Variants in OR51E2 observed in about 807,000 individuals in gnomAD.
OR51E2 encodes the protein olfactory receptor family 51 subfamily E member 2.
In OR51E2, 14 loss-of-function variants were observed where a neutral mutation model predicts 13.7. The observed-to-expected ratio is 1.02, with a 90% CI of 0.68 to 1.60. The LOEUF (loss-of-function observed/expected upper bound fraction) is 1.60. OR51E2 is among the 40% of genes most tolerant of loss of function. The pLI is 0.00. For synonymous variants in OR51E2, 180 were observed against 157.6 expected, an observed-to-expected ratio of 1.14 and a Z score of -1.07; for missense variants, 483 against 413.8, an observed-to-expected ratio of 1.17 and a Z score of -1.45.
At chr11:4,688,308 G>A (rs1483484898) in intron 1 of OR51E2, among the ~76,000 whole-genome samples, 1 of 152,118 alleles carries the variant, frequency 6.6e-6, no homozygotes, top group Non-Finnish European at 1.5e-5. Context: ...CTTGAGCAGA[G>A]ATCTGTCTAA....
At chr11:4,693,504 G>A (rs995037890) in intron 1 of OR51E2, among the ~76,000 whole-genome samples, 7 of 152,128 alleles carry the variant, frequency 4.6e-5, no homozygotes, top group Non-Finnish European at 7.4e-5. Flanking sequence ...GGCGGATCAC[G>A]AGGTCAGGAG....
At position 4,681,641 on chromosome 11, in the gene OR51E2, G is replaced by A; in HGVS notation, c.*108C>T. 7.8e-7 allele frequency: 1 copy of A among 1,281,514 alleles called. No individual in the cohort carries two copies. Among genetic ancestry groups the A allele is most frequent in the Non-Finnish European group, 1.1e-6 (1 of 906,290 alleles). The allele number at this position is 1,281,514 out of a possible 1,614,324, so 79.4% of individuals were successfully genotyped here. On this transcript the variant is annotated 3_prime_UTR_variant, in exon 2 of 2. Transcript: ENST00000396950. The stretch of plus-strand genomic sequence containing the variant: ...TACCATACTTTAGTTTACTATTCCA[G>A]CCAGAGAAAAGTACTGATGTGCTTA...
chr11:4,681,689 T>A lies in OR51E2; in HGVS notation c.*60A>T. On this transcript the variant is annotated 3_prime_UTR_variant, in exon 2 of 2. Coordinates refer to ENST00000396950, the MANE Select transcript of OR51E2 (RefSeq NM_030774.4). Reference sequence around the variant, plus strand: ...TTATGGGCAACTGGAAATAAGCTAGTGTTAGAAATAATTATGTTTATCAAG... The same window carrying A: ...TTATGGGCAACTGGAAATAAGCTAGAGTTAGAAATAATTATGTTTATCAAG... The A allele has an allele frequency of 6.3e-7, 1 of 1,581,982 alleles. No individual in the cohort carries two copies. The highest frequency in any genetic ancestry group is 1.1e-5 in the South Asian group (1 of 87,720).
chr11:4,690,873 A>G (rs1262425694), intron 1 of OR51E2: 1 of 456,524 alleles, frequency 2.2e-6, no homozygotes, highest in African/African-American at 2.0e-5. Flanking sequence ...GTTAGCAATC[A>G]TAGTATGTAC....
chr11:4,687,983 G>A (rs1274705483), intron 1 of OR51E2, among the ~76,000 whole-genome samples: 3 of 152,198 alleles, frequency 2.0e-5, no homozygotes, highest in Non-Finnish European at 1.5e-5. Flanking sequence ...GCATTGTACA[G>A]AGGGGAAGCA....
intron 1 of OR51E2, chr11:4,690,845 G>C (rs1481413389): frequency 2.2e-6 from 1 of 455,706 alleles, no homozygotes; most frequent in African/African-American, 2.0e-5. Flanking sequence ...TCATCAAAGG[G>C]GAGATCAGCA....
chr11:4,697,238 C>T (rs997993162), intron 1 of OR51E2, among the ~76,000 whole-genome samples: 1 of 152,148 alleles, frequency 6.6e-6, no homozygotes, highest in Admixed American at 6.5e-5. Flanking sequence ...TTACTGAAAT[C>T]TACAAGTAAT....
At chr11:4,696,615 A>G (rs558005131) in intron 1 of OR51E2, among the ~76,000 whole-genome samples, 4 of 152,338 alleles carry the variant, frequency 2.6e-5, no homozygotes, top group African/African-American at 9.6e-5. Flanking sequence ...AGAAGGAGGC[A>G]CTAAATTTCC....
intron 1 of OR51E2, among the ~76,000 whole-genome samples, chr11:4,689,226 G>C (rs1165779119): frequency 6.6e-6 from 1 of 152,138 alleles, no homozygotes; most frequent in Non-Finnish European, 1.5e-5. Context: ...AACAGGCTGA[G>C]GATTTGACAT....
intron 1 of OR51E2, among the ~76,000 whole-genome samples, chr11:4,688,948 G>A (rs1369492882): frequency 6.6e-6 from 1 of 152,146 alleles, no homozygotes; most frequent in Non-Finnish European, 1.5e-5. Context: ...CCTTGATGGG[G>A]ATATTAGTAT....
chr11:4,685,861 G>A (rs543257304), intron 1 of OR51E2: 5 of 152,212 alleles, frequency 3.3e-5, no homozygotes, highest in African/African-American at 7.2e-5. Context: ...TGTCCCCTAC[G>A]TCATACCCAG....
intron 1 of OR51E2, among the ~76,000 whole-genome samples, chr11:4,694,583 C>T (rs1303881712): frequency 1.1e-4 from 16 of 151,410 alleles, no homozygotes; most frequent in Non-Finnish European, 1.3e-4. Flanking sequence ...TATACACACA[C>T]ACACACACAC....
chr11:4,693,421 T>C (rs1847610580), intron 1 of OR51E2, among the ~76,000 whole-genome samples: 1 of 152,176 alleles, frequency 6.6e-6, no homozygotes, highest in Non-Finnish European at 1.5e-5. Flanking sequence ...CAGAACGGCA[T>C]GTGTAAAAGT....
chr11:4,694,212 TC>T (rs1847623269), intron 1 of OR51E2, among the ~76,000 whole-genome samples: 1 of 152,050 alleles, frequency 6.6e-6, no homozygotes, highest in South Asian at 2.1e-4. Context: ...GTAGTTTTTT[TC>T]CTCCTTCTTG....
At chr11:4,691,639 GC>G (rs1346825902) in intron 1 of OR51E2, 1 of 434,852 alleles carries the variant, frequency 2.3e-6, no homozygotes, top group Non-Finnish European at 4.6e-6. Flanking sequence ...AAGGCTTCCA[GC>G]CCAGGAACAC....
chr11:4,693,724 A>C (rs750805948), intron 1 of OR51E2, among the ~76,000 whole-genome samples: 7 of 152,108 alleles, frequency 4.6e-5, no homozygotes, highest in African/African-American at 9.7e-5. Flanking sequence ...TCCGTTTCAA[A>C]AAACAAACAA....
At chr11:4,683,862 T>TA (rs1847484976) in intron 1 of OR51E2, among the ~76,000 whole-genome samples, 2 of 152,204 alleles carry the variant, frequency 1.3e-5, no homozygotes, top group African/African-American at 2.4e-5. Flanking sequence ...TAATTTTCTC[T>TA]AAAAAGCCAA....
intron 1 of OR51E2, among the ~76,000 whole-genome samples, chr11:4,692,539 T>C (rs1847595838): frequency 6.6e-6 from 1 of 152,190 alleles, no homozygotes; most frequent in African/African-American, 2.4e-5. Context: ...GAGGGAAAAA[T>C]ATAACTTTAT....
intron 1 of OR51E2, among the ~76,000 whole-genome samples, chr11:4,696,558 C>A (rs1249735114): frequency 6.6e-6 from 1 of 152,054 alleles, no homozygotes; most frequent in Admixed American, 6.6e-5. Flanking sequence ...TTGAAAAAAT[C>A]TTAAGTGTTT....
Sources: gnomAD v4.1 joint callset for allele counts (sites outside exome capture counted in the v4.1 genomes callset) on GRCh38, gnomAD v4.1.1 for gene constraint, MANE v1.5 for transcripts, NCBI Gene and HGNC (gene_info 2026-07-23, HGNC 2026-07-21) for gene names.